Variants in SLC14A2 observed in about 807,000 individuals in gnomAD.
SLC14A2 encodes the protein solute carrier family 14 member 2.
SLC14A2 carries 91 observed loss-of-function variants against 104.6 expected under a neutral mutation model. The ratio of observed to expected loss-of-function variants is 0.87; its 90% confidence interval spans 0.73 to 1.04. SLC14A2 has a LOEUF of 1.04. Ranked by LOEUF, SLC14A2 falls within the 50% of genes least tolerant of loss-of-function variation. The pLI is 0.00. For missense variants in SLC14A2, 1,189 were observed against 1,156.0 expected (o/e 1.03, Z -0.41); for synonymous variants, 476 against 466.4 (o/e 1.02, Z -0.27).
chr18:45,556,242 G>A (rs912809148), intron 2 of SLC14A2, among the ~76,000 whole-genome samples: 1 of 152,102 alleles, frequency 6.6e-6, no homozygotes, highest in African/African-American at 2.4e-5. Flanking sequence ...TGAAAGTTGG[G>A]ATTTCAACAT....
intron 1 of SLC14A2, among the ~76,000 whole-genome samples, chr18:45,454,005 G>C (rs942504271): frequency 6.6e-6 from 1 of 151,748 alleles, no homozygotes; most frequent in African/African-American, 2.4e-5. Flanking sequence ...GATTACAGGC[G>C]CATGCCACCA....
intron 10 of SLC14A2, among the ~76,000 whole-genome samples, chr18:45,659,420 A>G (rs1024000748): frequency 6.6e-6 from 1 of 152,250 alleles, no homozygotes; most frequent in African/African-American, 2.4e-5. Context: ...TTAGGGTTTC[A>G]CAACCAGACG....
chr18:45,590,558 T>C (rs1439744743), intron 2 of SLC14A2, among the ~76,000 whole-genome samples: 1 of 151,888 alleles, frequency 6.6e-6, no homozygotes, highest in Non-Finnish European at 1.5e-5. Context: ...GTGTACAGAG[T>C]TTGTCTTGCA....
intron 12 of SLC14A2, 88 bp downstream of exon 12, chr18:45,666,307 T>C (rs893404115): frequency 3.5e-6 from 3 of 861,644 alleles, no homozygotes; most frequent in African/African-American, 3.4e-5. Flanking sequence ...GTAAACAAGG[T>C]TCTCCGATTT....
At chr18:45,181,655 T>G in the SLC14A2 span, among the ~76,000 whole-genome samples, 1 of 152,064 alleles carries the variant, frequency 6.6e-6, no homozygotes, top group African/African-American at 2.4e-5. Flanking sequence ...TAAACTAAAA[T>G]TAAAAGAAAT....
chr18:45,220,396 A>G (rs2084050111), intron 1 of SLC14A2, among the ~76,000 whole-genome samples: 1 of 152,162 alleles, frequency 6.6e-6, no homozygotes, highest in Non-Finnish European at 1.5e-5. Flanking sequence ...CAGTTTTGTC[A>G]TTACTTAGTC....
intron 1 of SLC14A2, among the ~76,000 whole-genome samples, chr18:45,419,547 G>T (rs1244207596): frequency 6.6e-6 from 1 of 152,220 alleles, no homozygotes; most frequent in Non-Finnish European, 1.5e-5. Context: ...GCTGAGGCAG[G>T]CGGATCACCT....
intron 1 of SLC14A2, among the ~76,000 whole-genome samples, chr18:45,378,166 C>T (rs1478216251): frequency 6.6e-6 from 1 of 152,158 alleles, no homozygotes; most frequent in African/African-American, 2.4e-5. Flanking sequence ...ACAGTAAGCT[C>T]CTAAGGCTTG....
intron 1 of SLC14A2, among the ~76,000 whole-genome samples, chr18:45,226,814 TAATAA>T (rs1288196707): frequency 6.6e-6 from 1 of 151,974 alleles, no homozygotes; most frequent in African/African-American, 2.4e-5. Context: ...ATAATAATAA[TAATAA>T]AATAATAGTT....
At chr18:45,346,948 C>T (rs1042672615) in intron 1 of SLC14A2, among the ~76,000 whole-genome samples, 5 of 151,090 alleles carry the variant, frequency 3.3e-5, no homozygotes, top group Admixed American at 6.6e-5. Context: ...GCCTGGGCAA[C>T]ACAGCGAGAC....
At chr18:45,601,953 T>C (rs575957612) in intron 2 of SLC14A2, among the ~76,000 whole-genome samples, 16 of 152,374 alleles carry the variant, frequency 1.1e-4, no homozygotes, top group East Asian at 3.9e-4. Flanking sequence ...GCCTTTGGCA[T>C]TGGCCATTCT....
At chr18:45,581,026 AGAGGCAGGGAGACCAGGGCCAT>A (rs1382028308) in intron 2 of SLC14A2, among the ~76,000 whole-genome samples, 3 of 152,178 alleles carry the variant, frequency 2.0e-5, no homozygotes, top group African/African-American at 7.2e-5. Context: ...GACATGGCAG[AGAGGCAGGGAGACCAGGGCCAT>A]GGGGAAGGGA....
At chr18:45,612,998 C>G (rs188456084), upstream of SLC14A2, among the ~76,000 whole-genome samples, 3 of 150,476 alleles carry the variant, frequency 2.0e-5, no homozygotes, top group Admixed American at 6.7e-5. Context: ...GTCAATTAAA[C>G]CTCTTTCCTT....
chr18:45,637,054 C>G lies in SLC14A2; in HGVS notation c.715C>G (p.Pro239Ala), dbSNP rs371164394. The G allele has an allele frequency of 6.8e-6, 11 of 1,614,202 alleles. No individual in the cohort carries two copies. Among genetic ancestry groups the G allele is most frequent in the Non-Finnish European group, 9.3e-6 (11 of 1,180,004 alleles). ...GTGGGACCTCCCGGTCTTCACTCTG[C>G]CCTTCAACATTGCAGTCACCTTGTA... ...SKWDLPVFTL[P>A]FNIAVTLYLA... The change falls in exon 6 of 20, where the codon CCC (proline) becomes GCC (alanine). Residue 239 changes from proline (P) to alanine (A), a missense_variant. By Grantham distance (27) the Pro-to-Ala change is conservative. Coordinates refer to ENST00000255226, the MANE Select transcript of SLC14A2 (RefSeq NM_007163.4).
At chr18:45,641,555 C>T (rs2045528825) in intron 8 of SLC14A2, among the ~76,000 whole-genome samples, 2 of 152,232 alleles carry the variant, frequency 1.3e-5, no homozygotes, top group Non-Finnish European at 2.9e-5. Flanking sequence ...TGGTATTATA[C>T]TTACACAGTG....
chr18:45,458,046 G>A (rs2086976598), intron 1 of SLC14A2, among the ~76,000 whole-genome samples: 1 of 152,166 alleles, frequency 6.6e-6, no homozygotes, highest in South Asian at 2.1e-4. Context: ...TGTGACATTG[G>A]GATTTTGTTC....
At chr18:45,504,947 C>A (rs2043258943) in intron 2 of SLC14A2, among the ~76,000 whole-genome samples, 1 of 152,124 alleles carries the variant, frequency 6.6e-6, no homozygotes, top group African/African-American at 2.4e-5. Context: ...ATACACACTC[C>A]CTCTTGATTT....
chr18:45,350,868 T>C (rs183750557), intron 1 of SLC14A2, among the ~76,000 whole-genome samples: 1 of 152,168 alleles, frequency 6.6e-6, no homozygotes, highest in East Asian at 1.9e-4. Context: ...TCGATACAAT[T>C]ATAGGATGAG....
At chr18:45,433,898 T>C (rs889636176) in intron 1 of SLC14A2, among the ~76,000 whole-genome samples, 3 of 152,190 alleles carry the variant, frequency 2.0e-5, no homozygotes, top group African/African-American at 7.2e-5. Flanking sequence ...GGTGGCCACA[T>C]AGACACAGGA....
Sources: allele counts gnomAD v4.1 joint callset (sites outside exome capture counted in the v4.1 genomes callset), GRCh38; gene constraint gnomAD v4.1.1; transcripts MANE v1.5; gene names NCBI Gene and HGNC (gene_info 2026-07-23, HGNC 2026-07-21).